TTN: variants seen among roughly 807,000 people sequenced by gnomAD.
TTN encodes the protein connectin.
A neutral mutation model predicts 3,223.0 loss-of-function variants in TTN; 1,525 were observed. The ratio of observed to expected loss-of-function variants is 0.47; its 90% CI spans 0.45 to 0.49. The LOEUF is 0.49. Among genes scored for constraint, TTN ranks in the 20% least tolerant of loss-of-function variants. The pLI is 0.00. For synonymous variants in TTN, 14,094 were observed against 15,161.0 expected, an observed-to-expected ratio of 0.93 and a Z score of 5.17; for missense variants, 40,786 against 43,424.0, an observed-to-expected ratio of 0.94 and a Z score of 5.40.
intron 151 of TTN, 26 bp from the exon 152 acceptor site, chr2:178,673,736 T>C: frequency 6.4e-7 from 1 of 1,566,106 alleles, no homozygotes; most frequent in Non-Finnish European, 8.7e-7. Context: ...ATGAACATTT[T>C]GAAAAGTGGC....
At chr2:178,664,963 A>G (rs1425529624) in intron 165 of TTN, 37 bp from the exon 166 acceptor site, 3 of 1,571,564 alleles carry the variant, frequency 1.9e-6, no homozygotes. Context: ...TAAGAGTTAA[A>G]ATGATTAATG....
intron 288 of TTN, 128 bp from the exon 289 acceptor site, chr2:178,599,978 G>A (rs1004440006): frequency 1.2e-6 from 1 of 849,332 alleles, no homozygotes; most frequent in African/African-American, 1.7e-5. Context: ...CCAATATAAA[G>A]AATGGTTCTG....
At position 178,804,580 on chromosome 2, in the gene TTN, A is replaced by G. The variant is rs755356877; in HGVS notation, c.63T>C (p.Ser21=). The G allele has an allele frequency of 1.9e-6, 3 of 1,614,078 alleles. No individual in the cohort carries two copies. Among genetic ancestry groups the G allele is most frequent in the Non-Finnish European group, 2.5e-6 (3 of 1,179,976 alleles). Residue 21 remains serine, a synonymous_variant, in exon 2 of 363, where the codon AGT becomes AGC. Transcript: ENST00000589042. The part of the protein sequence containing the change: ...PLQSVVVLEG[S]TATFEAHISG... The stretch of plus-strand genomic sequence containing the variant: ...TAATGTGAGCCTCAAAGGTTGCGGT[A>G]CTACCCTCCAGTACCACAACGCTTT...
chr2:178,690,024 A>G (rs1358952085), intron 121 of TTN, 128 bp from the exon 122 acceptor site: 1 of 706,252 alleles, frequency 1.4e-6, no homozygotes, highest in Non-Finnish European at 2.4e-6. Context: ...CAGCAAAATT[A>G]TCCAGAAAAT....
chr2:178,644,976 G>A (rs564713117), intron 217 of TTN: 5 of 215,470 alleles, frequency 2.3e-5, no homozygotes, highest in Non-Finnish European at 4.6e-5. Flanking sequence ...GGTGCCAGAA[G>A]GTCCCCCTAA....
chr2:178,685,278 T>G lies in TTN; in HGVS notation c.32445A>C (p.Lys10815Asn). 6.4e-7 allele frequency: 1 copy of G among 1,552,396 alleles called. No individual in the cohort carries two copies. The highest frequency in any genetic ancestry group is 8.7e-7 in the Non-Finnish European group (1 of 1,147,614). Reference sequence around the variant, plus strand: ...CTTTAGCCGGTGGAGGCTCCTCTATTTTAGCAGGAATTTTTGGTTTCAGTA... The same window carrying G: ...CTTTAGCCGGTGGAGGCTCCTCTATGTTAGCAGGAATTTTTGGTTTCAGTA... Reference protein sequence around the residue: ...KIVLKPKIPAKIEEPPPAKVP... With the variant: ...KIVLKPKIPANIEEPPPAKVP... Residue 10815 changes from lysine to asparagine, a missense_variant, in exon 129 of 363, where the codon AAA becomes AAC. Lys to Asn is a moderately conservative substitution (Grantham distance 94). Transcript: ENST00000589042.
rs546573613 is a variant in TTN, at chr2:178,560,179, T to C, written c.85953A>G (p.Leu28651=). The C allele has an allele frequency of 2.2e-5, 35 of 1,613,742 alleles. No individual in the cohort carries two copies. The highest frequency in any genetic ancestry group is 2.7e-5 in the Non-Finnish European group (32 of 1,179,768). ...TTTTGGGTTTGGATGGAGGAGATGGTAGGAACACTGGATCTTCTGCCCTAA... is the reference window on the plus strand; with the variant it reads ...TTTTGGGTTTGGATGGAGGAGATGGCAGGAACACTGGATCTTCTGCCCTAA... The part of the protein sequence containing the change: ...PLIRAEDPVF[L]PSPPSKPKIV... Residue 28651 remains leucine (L), a synonymous_variant, in exon 326 of 363, where the codon CTA becomes CTG. Transcript: ENST00000589042.
Position 178,767,818 on chromosome 2 carries a change from C to T in TTN, c.9412G>A (p.Ala3138Thr). 1 of 1,614,120 alleles carries T rather than the reference C, an allele frequency of 6.2e-7. No individual in the cohort carries two copies. Among genetic ancestry groups the T allele is most frequent in the Non-Finnish European group, 8.5e-7 (1 of 1,179,992 alleles). ...TCTCTGCCTTCTACAAAGAGTTTTG[C>T]AGTTGACACGTTGCCTCCTGCCACC... ...TVVAGGNVST[A>T]KLFVEGRDVR... The change falls in exon 40 of 363, where the codon GCA becomes ACA. Residue 3138 changes from alanine to threonine, a missense_variant. Physicochemically the swap from Ala to Thr is moderately conservative, Grantham distance 58 (BLOSUM62 0). Coordinates refer to ENST00000589042, the MANE Select transcript of TTN (RefSeq NM_001267550.2).
Position 178,531,707 on chromosome 2 carries a change from T to C in TTN, c.104908A>G (p.Thr34970Ala). The C allele has an allele frequency of 6.2e-7, 1 of 1,614,020 alleles. No individual in the cohort carries two copies. The highest frequency in any genetic ancestry group is 8.5e-7 in the Non-Finnish European group (1 of 1,179,880). Residue 34970 changes from threonine to alanine, a missense_variant, in exon 358 of 363, where the codon ACT (threonine) becomes GCT (alanine). Physicochemically the swap from Thr to Ala is moderately conservative, Grantham distance 58 (BLOSUM62 0). Transcript: ENST00000589042. ...TTGTGGTACCATTTAACCTCGGCAG[T>C]TGGCTTAGACTGAACATTTAAAATA... ...RFILNVQSKP[T>A]AEVKWYHNGV... is the part of the protein sequence containing the mutation.
At chr2:178,799,938 G>A in intron 4 of TTN, 28 bp from the exon 5 acceptor site, 4 of 1,609,956 alleles carry the variant, frequency 2.5e-6, no homozygotes, top group Non-Finnish European at 3.4e-6. Flanking sequence ...TGAATGTTTG[G>A]GAGGGGGCAC....
rs747932049 is a variant in TTN at position 178,666,914 on chromosome 2, T to A, written c.35798-13A>T. The A allele has an allele frequency of 3.3e-6, 5 of 1,518,374 alleles. No homozygotes were observed. In the South Asian group the frequency reaches 6.5e-5, roughly 20 times the overall value. 94.1% of individuals were successfully genotyped at this position (1,518,374 alleles called of 1,614,324 possible). ...AAGACTTCAAACTCTTTAAAGATAT[T>A]AGTATTTTTTTTAATTGAGAAAAGG... On this transcript the variant is annotated splice_polypyrimidine_tract_variant and intron_variant, in intron 162 of 362. Transcript: ENST00000589042.
chr2:178,690,121 T>A (rs1291059601), intron 121 of TTN, among the ~76,000 whole-genome samples: 1 of 152,210 alleles, frequency 6.6e-6, no homozygotes, highest in Non-Finnish European at 1.5e-5. Flanking sequence ...ATGAGTTATG[T>A]AACAAAGTTG....
chr2:178,718,621 G>A, intron 84 of TTN, 21 bp from the exon 85 acceptor site: 1 of 1,603,814 alleles, frequency 6.2e-7, no homozygotes, highest in Non-Finnish European at 8.5e-7. Context: ...AAAACATGTG[G>A]GTAAAATTCT....
intron 6 of TTN, chr2:178,798,826 C>T (rs929478943): frequency 7.2e-5 from 11 of 152,522 alleles, no homozygotes; most frequent in Admixed American, 6.5e-4. Flanking sequence ...ATTATTTATA[C>T]TTATTGCCCT....
chr2:178,678,362 A>C, intron 144 of TTN, 52 bp downstream of exon 144: 1 of 1,521,214 alleles, frequency 6.6e-7, no homozygotes, highest in East Asian at 2.4e-5. Flanking sequence ...ATGTGAGTAT[A>C]CATAGATGTG....
intron 47 of TTN, 62 bp from the exon 48 acceptor site, chr2:178,741,983 T>C: frequency 8.1e-7 from 1 of 1,229,982 alleles, no homozygotes; most frequent in Non-Finnish European, 1.0e-6. Context: ...AAAATAGAAA[T>C]CAAAGAATTA....
At position 178,573,568 on chromosome 2, in the gene TTN, C is replaced by G; in HGVS notation, c.72564G>C (p.Leu24188Phe). 4 of 1,496,940 alleles carry G rather than the reference C, an allele frequency of 2.7e-6. No homozygotes were observed. The highest frequency in any genetic ancestry group is 3.6e-6 in the Non-Finnish European group (4 of 1,125,942). 92.7% of individuals were successfully genotyped at this position (1,496,940 alleles called of 1,614,324 possible). The change falls in exon 326 of 363, where the codon TTG (leucine) becomes TTC (phenylalanine). Residue 24188 changes from leucine (L) to phenylalanine (F), a missense_variant. Transcript: ENST00000589042. ...QVTKLKVTKL[L>F]KGNEYIFRVM... The stretch of plus-strand genomic sequence containing the variant: ...CACGGAATATGTATTCATTGCCTTT[C>G]AAGAGTTTAGTGACCTTTAGCTTTG...
chr2:178,584,134 GA>G lies in TTN; in HGVS notation c.65275+141del, dbSNP rs941615307. ...TATGTCATCTTCATTGTAAGAGATA[GA>G]ACATATTCTTAAATGGGAGTTGTAA... On this transcript the variant is annotated intron_variant, in intron 311 of 362. Coordinates refer to ENST00000589042, the MANE Select transcript of TTN (RefSeq NM_001267550.2). 122 of 1,096,136 alleles carry G rather than the reference GA, an allele frequency of 1.1e-4. No individual in the cohort carries two copies. The African/African-American group carries it at 1.8e-3, about 16-fold the overall frequency. The allele number at this position is 1,096,136 out of a possible 1,614,324, so 67.9% of individuals were successfully genotyped here.
chr2:178,694,630 A>C lies in TTN; in HGVS notation c.31395T>G (p.Thr10465=), dbSNP rs1176622224. The change falls in exon 117 of 363, where the codon ACT becomes ACG. Residue 10465 remains threonine, a synonymous_variant. Transcript: ENST00000589042. ...KKIVPQKPSR[T]PVQEEVIEVK... is the part of the protein sequence containing the mutation. ...CTTCAATAACTTCTTCCTGTACTGG[A>C]GTCCGGGAAGGTTTTTGTGGAACAA... 1.3e-6 allele frequency: 2 copies of C among 1,560,534 alleles called. No homozygotes were observed. The highest frequency in any genetic ancestry group is 4.7e-5 in the East Asian group (2 of 42,418).
Sources: allele counts gnomAD v4.1 joint callset (sites outside exome capture counted in the v4.1 genomes callset), GRCh38; gene constraint gnomAD v4.1.1; transcripts MANE v1.5; gene names NCBI Gene and HGNC (gene_info 2026-07-23, HGNC 2026-07-21).